TNFSF4: variants seen among roughly 807,000 people sequenced by gnomAD.
The protein encoded by TNFSF4 is tumor necrosis factor ligand superfamily member 4.
In TNFSF4, 4 loss-of-function variants were observed where a neutral mutation model predicts 7.3. The ratio of observed to expected loss-of-function variants is 0.55; its 90% CI spans 0.27 to 1.25. The LOEUF is 1.25. Among genes scored for constraint, TNFSF4 ranks in the 50% most tolerant of loss-of-function variants. The pLI, the probability that TNFSF4 is intolerant of heterozygous loss-of-function variation, is 0.12. For missense variants in TNFSF4, 181 were observed against 208.8 expected, an observed-to-expected ratio of 0.87 and a Z score of 0.82; for synonymous variants, 76 against 83.7, an observed-to-expected ratio of 0.91 and a Z score of 0.50.
the TNFSF4 span, among the ~76,000 whole-genome samples, chr1:173,357,384 T>C: frequency 6.6e-6 from 1 of 152,320 alleles, no homozygotes. Flanking sequence ...AGGTTGACAG[T>C]ATGCCCAGCA....
chr1:173,248,491 G>GGAAAGAAAGAAAGAAAGAAAGAAAGAAA, the TNFSF4 span, among the ~76,000 whole-genome samples: 6 of 136,104 alleles, frequency 4.4e-5, no homozygotes, highest in Admixed American at 4.6e-4. Context: ...AAGGAAGGAA[G>GGAAAGAAAGAAAGAAAGAAAGAAAGAAA]GAAAGAAAGA....
the TNFSF4 span, among the ~76,000 whole-genome samples, chr1:173,267,188 C>T: frequency 2.0e-5 from 3 of 152,142 alleles, no homozygotes; most frequent in Non-Finnish European, 4.4e-5. Context: ...AGAGCTTGGG[C>T]TTAACCTCCT....
chr1:173,216,466 G>A, the TNFSF4 span, among the ~76,000 whole-genome samples: 1 of 151,988 alleles, frequency 6.6e-6, no homozygotes, highest in African/African-American at 2.4e-5. Context: ...TAACTAAATG[G>A]GGCCAGGAAA....
At chr1:173,211,460 C>T (rs1650370765), upstream of TNFSF4, among the ~76,000 whole-genome samples, 1 of 152,130 alleles carries the variant, frequency 6.6e-6, no homozygotes, top group Non-Finnish European at 1.5e-5. Flanking sequence ...CTTTGCCATT[C>T]CTATTGCTTC....
the TNFSF4 span, among the ~76,000 whole-genome samples, chr1:173,355,232 C>G: frequency 1.9e-4 from 29 of 152,218 alleles, no homozygotes; most frequent in Non-Finnish European, 7.3e-5. Context: ...TTGGGCCGAC[C>G]TGGATGGATA....
At chr1:173,320,989 G>A in the TNFSF4 span, among the ~76,000 whole-genome samples, 16 of 152,038 alleles carry the variant, frequency 1.1e-4, no homozygotes, top group East Asian at 7.7e-4. Flanking sequence ...TTTAAATTTC[G>A]TATGGAACCA....
At chr1:173,366,730 T>C in the TNFSF4 span, among the ~76,000 whole-genome samples, 14 of 152,204 alleles carry the variant, frequency 9.2e-5, no homozygotes, top group Non-Finnish European at 1.2e-4. Context: ...TATCAAAATA[T>C]CTCATGCAAC....
the TNFSF4 span, among the ~76,000 whole-genome samples, chr1:173,262,598 CTTTTTTTTT>C: frequency 9.5e-5 from 10 of 105,040 alleles, no homozygotes; most frequent in East Asian, 5.1e-4. Flanking sequence ...CCAAAAGATT[CTTTTTTTTT>C]TTTTTTTTTT....
At chr1:173,193,139 G>A (rs185939023) in intron 1 of TNFSF4, among the ~76,000 whole-genome samples, 1 of 152,136 alleles carries the variant, frequency 6.6e-6, no homozygotes, top group African/African-American at 2.4e-5. Flanking sequence ...CATGAGAAAG[G>A]TTGACAGAAA....
the TNFSF4 span, among the ~76,000 whole-genome samples, chr1:173,231,520 C>A: frequency 6.6e-6 from 1 of 152,154 alleles, no homozygotes; most frequent in Admixed American, 6.5e-5. Context: ...GAAGCATTTC[C>A]TTTGAAAAGT....
chr1:173,449,840 C>G, the TNFSF4 span, among the ~76,000 whole-genome samples: 19 of 152,016 alleles, frequency 1.2e-4, no homozygotes, highest in Admixed American at 1.2e-3. Flanking sequence ...AGAACAACAT[C>G]TCAAATCAAG....
At chr1:173,442,977 G>A in the TNFSF4 span, among the ~76,000 whole-genome samples, 1 of 152,130 alleles carries the variant, frequency 6.6e-6, no homozygotes, top group Non-Finnish European at 1.5e-5. Flanking sequence ...TAGCCACCAT[G>A]CCAGGCCACT....
the TNFSF4 span, among the ~76,000 whole-genome samples, chr1:173,410,352 A>T: frequency 1.3e-5 from 2 of 152,224 alleles, no homozygotes; most frequent in Admixed American, 6.5e-5. Flanking sequence ...CACCAGACTA[A>T]CCTACAAAGA....
chr1:173,368,097 C>T, the TNFSF4 span, among the ~76,000 whole-genome samples: 6 of 152,270 alleles, frequency 3.9e-5, no homozygotes, highest in African/African-American at 1.4e-4. Context: ...CTAAAAGTAG[C>T]CAATCACAGG....
At chr1:173,246,274 T>C in the TNFSF4 span, among the ~76,000 whole-genome samples, 1 of 152,138 alleles carries the variant, frequency 6.6e-6, no homozygotes, top group East Asian at 1.9e-4. Flanking sequence ...CCCATATGCA[T>C]TAGGTATTTT....
chr1:173,382,302 C>T, the TNFSF4 span, among the ~76,000 whole-genome samples: 1 of 152,130 alleles, frequency 6.6e-6, no homozygotes. Flanking sequence ...CACGAACCCA[C>T]CAGAATGAAG....
the TNFSF4 span, among the ~76,000 whole-genome samples, chr1:173,387,719 G>A: frequency 6.6e-6 from 1 of 152,218 alleles, no homozygotes; most frequent in Admixed American, 6.5e-5. Flanking sequence ...GGTTTTTAGA[G>A]CTGAGAAGAA....
the TNFSF4 span, among the ~76,000 whole-genome samples, chr1:173,276,282 T>C: frequency 6.6e-6 from 1 of 151,986 alleles, no homozygotes; most frequent in African/African-American, 2.4e-5. Context: ...GCCCAGTGAG[T>C]GCAATTTTTC....
At chr1:173,438,895 T>C in the TNFSF4 span, among the ~76,000 whole-genome samples, 4 of 152,214 alleles carry the variant, frequency 2.6e-5, no homozygotes, top group African/African-American at 7.2e-5. Context: ...TGTATCTTCA[T>C]GTACCCACCA....
Sources: gnomAD v4.1 joint callset for allele counts (sites outside exome capture counted in the v4.1 genomes callset) on GRCh38, gnomAD v4.1.1 for gene constraint, MANE v1.5 for transcripts, NCBI Gene and HGNC (gene_info 2026-07-23, HGNC 2026-07-21) for gene names.